The following DPYD variants were observed in gnomAD, a reference collection of about 807,000 sequenced individuals.
The protein encoded by DPYD is dihydropyrimidine dehydrogenase, also known as dihydropyrimidine dehydrogenase [NADP(+)].
Under a neutral mutation model 116.2 loss-of-function variants are expected in DPYD, and 109 were observed. That is an observed-to-expected ratio of 0.94 (90% CI 0.80 to 1.10). The LOEUF is 1.10. Among genes scored for constraint, DPYD ranks in the 50% least tolerant of loss-of-function variants. DPYD has a pLI of 0.00. For synonymous variants in DPYD, 440 were observed against 432.0 expected (o/e 1.02, Z -0.23); for missense variants, 1,302 against 1,254.5 (o/e 1.04, Z -0.57).
intron 5 of DPYD, among the ~76,000 whole-genome samples, chr1:97,717,648 T>C (rs557065180): frequency 2.5e-4 from 38 of 152,152 alleles, no homozygotes; most frequent in Middle Eastern, 3.4e-3. Flanking sequence ...TTCTTATGCT[T>C]TTGTGTCCTC....
At chr1:97,848,349 G>A (rs1183532848) in intron 2 of DPYD, among the ~76,000 whole-genome samples, 3 of 152,134 alleles carry the variant, frequency 2.0e-5, no homozygotes, top group Admixed American at 6.5e-5. Flanking sequence ...CACCCACCTC[G>A]GCTTCCAAAA....
At chr1:97,500,542 GTTT>G (rs1478338222) in intron 13 of DPYD, among the ~76,000 whole-genome samples, 1 of 151,782 alleles carries the variant, frequency 6.6e-6, no homozygotes, top group Non-Finnish European at 1.5e-5. Flanking sequence ...TGGGATTATC[GTTT>G]TTTATTTTTT....
At chr1:97,753,863 T>C (rs928215892) in intron 3 of DPYD, among the ~76,000 whole-genome samples, 4 of 152,176 alleles carry the variant, frequency 2.6e-5, no homozygotes, top group African/African-American at 9.6e-5. Flanking sequence ...ATATCTAACT[T>C]ATATAACTTT....
intron 16 of DPYD, among the ~76,000 whole-genome samples, chr1:97,365,630 A>T (rs907797646): frequency 2.0e-5 from 3 of 152,032 alleles, no homozygotes; most frequent in African/African-American, 4.8e-5. Flanking sequence ...CAAGTAAGTT[A>T]AAAAAATCCA....
At chr1:97,267,137 C>G (rs967204128) in intron 18 of DPYD, among the ~76,000 whole-genome samples, 1 of 152,150 alleles carries the variant, frequency 6.6e-6, no homozygotes, top group African/African-American at 2.4e-5. Flanking sequence ...CTAGTTTACA[C>G]TCCCACCAAC....
chr1:97,565,136 G>A (rs867657898), intron 11 of DPYD, among the ~76,000 whole-genome samples: 1 of 151,980 alleles, frequency 6.6e-6, no homozygotes. Context: ...TTCTCATAAC[G>A]GCATTTACTG....
chr1:97,118,166 G>A (rs759021829), intron 20 of DPYD, among the ~76,000 whole-genome samples: 1 of 149,174 alleles, frequency 6.7e-6, no homozygotes, highest in African/African-American at 2.5e-5. Flanking sequence ...CTTTTCTTTC[G>A]GTTCTTCCTA....
intron 18 of DPYD, among the ~76,000 whole-genome samples, chr1:97,253,377 T>C (rs971585171): frequency 6.6e-6 from 1 of 152,202 alleles, no homozygotes; most frequent in African/African-American, 2.4e-5. Flanking sequence ...TTAAAAGATT[T>C]TTTAGTATCT....
intron 2 of DPYD, among the ~76,000 whole-genome samples, chr1:97,840,218 T>C (rs1372843954): frequency 6.6e-6 from 1 of 151,902 alleles, no homozygotes; most frequent in Non-Finnish European, 1.5e-5. Flanking sequence ...GTATTGAAAA[T>C]TATAAAGTGT....
chr1:97,577,517 A>C (rs1210765430), intron 10 of DPYD, among the ~76,000 whole-genome samples: 1 of 152,036 alleles, frequency 6.6e-6, no homozygotes, highest in Admixed American at 6.6e-5. Context: ...ACTGGCCCGC[A>C]GGTCCCATTT....
chr1:97,231,467 G>A (rs957138353), intron 19 of DPYD, among the ~76,000 whole-genome samples: 3 of 152,276 alleles, frequency 2.0e-5, no homozygotes, highest in East Asian at 1.9e-4. Flanking sequence ...GGTGAGCAAA[G>A]TCTCGTCTTA....
Position 97,829,398 on chromosome 1 carries a change from T to A in DPYD, c.151-1202A>T, listed in dbSNP as rs921854651. Among the ~76,000 whole-genome samples, 5 of 152,208 alleles carry A rather than the reference T, an allele frequency of 3.3e-5. No homozygotes were observed. The South Asian group carries it at 1.0e-3, about 32-fold the overall frequency. On this transcript the variant is annotated intron_variant, in intron 2 of 22. Transcript: ENST00000370192. ...CAGTTATATGTTGTTATAATTAAAATCTTTGAAATTACCAAAATGAATCTA... is the reference window on the plus strand; with the variant it reads ...CAGTTATATGTTGTTATAATTAAAAACTTTGAAATTACCAAAATGAATCTA...
At chr1:97,565,155 C>A (rs1217314361) in intron 11 of DPYD, among the ~76,000 whole-genome samples, 1 of 152,062 alleles carries the variant, frequency 6.6e-6, no homozygotes, top group East Asian at 1.9e-4. Flanking sequence ...TGTGTGGGAT[C>A]ATACCCTGTG....
intron 18 of DPYD, among the ~76,000 whole-genome samples, chr1:97,285,978 T>G (rs576646885): frequency 3.3e-5 from 5 of 152,190 alleles, no homozygotes; most frequent in African/African-American, 4.8e-5. Flanking sequence ...GTTAGCTGGT[T>G]ATTTTGCTCA....
At chr1:97,754,179 C>T (rs373053369) in intron 3 of DPYD, among the ~76,000 whole-genome samples, 3 of 152,078 alleles carry the variant, frequency 2.0e-5, no homozygotes, top group Non-Finnish European at 4.4e-5. Context: ...ATAAGGTAGA[C>T]CACGTTTTCG....
At chr1:97,798,135 A>G (rs960668896) in intron 3 of DPYD, 1 of 152,082 alleles carries the variant, frequency 6.6e-6, no homozygotes, top group Non-Finnish European at 1.5e-5. Flanking sequence ...TAATTGAAAA[A>G]ATATCCTCAA....
chr1:97,600,596 T>G (rs1333374201), intron 8 of DPYD, among the ~76,000 whole-genome samples: 1 of 152,162 alleles, frequency 6.6e-6, no homozygotes, highest in East Asian at 1.9e-4. Flanking sequence ...TACTAGCTAT[T>G]ATGACCTTGG....
rs559108991 is a variant in DPYD, at chr1:97,900,508, G to T, written c.40-17134C>A. 4.6e-5 allele frequency among the ~76,000 whole-genome samples: 7 copies of T among 151,834 alleles called. No individual in the cohort carries two copies. In the South Asian group the frequency reaches 1.2e-3, roughly 27 times the overall value. The stretch of plus-strand genomic sequence containing the variant: ...TGGCTTATGTACTTAAAAGATAAGT[G>T]GGAAATCACATCAGCTTAAGTATTT... On this transcript the variant is annotated intron_variant, in intron 1 of 22. Coordinates refer to ENST00000370192, the MANE Select transcript of DPYD (RefSeq NM_000110.4).
chr1:97,798,457 A>T (rs1320393517), intron 3 of DPYD, among the ~76,000 whole-genome samples: 3 of 151,962 alleles, frequency 2.0e-5, no homozygotes, highest in African/African-American at 7.2e-5. Context: ...ACCATGGGCA[A>T]ATATCTTCAC....
Sources: allele counts gnomAD v4.1 joint callset (sites outside exome capture counted in the v4.1 genomes callset), GRCh38; gene constraint gnomAD v4.1.1; transcripts MANE v1.5; gene names NCBI Gene and HGNC (gene_info 2026-07-23, HGNC 2026-07-21).